Variants in NTN4 observed in about 807,000 individuals in gnomAD.
The protein encoded by NTN4 is netrin 4, also known as netrin-4.
In NTN4, 32 loss-of-function variants were observed where a neutral mutation model predicts 73.6. The ratio of observed to expected loss-of-function variants is 0.44; its 90% CI spans 0.33 to 0.58. The LOEUF (loss-of-function observed/expected upper bound fraction) is 0.58, where lower values mean the gene tolerates loss of function less well. Ranked by LOEUF, NTN4 falls within the 20% of genes least tolerant of loss-of-function variation. The pLI is 0.04. For synonymous variants in NTN4, 258 were observed against 287.5 expected, an observed-to-expected ratio of 0.90 and a Z score of 1.04; for missense variants, 654 against 798.3, an observed-to-expected ratio of 0.82 and a Z score of 2.18.
chr12:95,760,596 G>A (rs1255002217), intron 2 of NTN4, among the ~76,000 whole-genome samples: 1 of 151,842 alleles, frequency 6.6e-6, no homozygotes, highest in African/African-American at 2.4e-5. Flanking sequence ...TGGGGCAATT[G>A]TAGGGATTGT....
At chr12:95,695,230 C>T (rs1010956048) in intron 5 of NTN4, among the ~76,000 whole-genome samples, 1 of 152,046 alleles carries the variant, frequency 6.6e-6, no homozygotes, top group Non-Finnish European at 1.5e-5. Flanking sequence ...TTTTGTACAT[C>T]CTACCCAAAA....
At chr12:95,744,557 T>G (rs548543640) in intron 2 of NTN4, among the ~76,000 whole-genome samples, 2 of 152,304 alleles carry the variant, frequency 1.3e-5, no homozygotes, top group Non-Finnish European at 2.9e-5. Flanking sequence ...AAGAGTATAC[T>G]CTCATTTCCT....
At chr12:95,743,701 T>C (rs1315359769) in intron 2 of NTN4, among the ~76,000 whole-genome samples, 2 of 152,234 alleles carry the variant, frequency 1.3e-5, no homozygotes, top group African/African-American at 4.8e-5. Context: ...AAAGAACATA[T>C]TTTGTATGAT....
At chr12:95,723,199 A>C (rs1242967417) in intron 3 of NTN4, among the ~76,000 whole-genome samples, 1 of 152,002 alleles carries the variant, frequency 6.6e-6, no homozygotes, top group Non-Finnish European at 1.5e-5. Flanking sequence ...TTAGGTTCAA[A>C]TATAGCATCT....
At chr12:95,679,044 T>A (rs2078295970) in intron 7 of NTN4, among the ~76,000 whole-genome samples, 1 of 152,204 alleles carries the variant, frequency 6.6e-6, no homozygotes, top group African/African-American at 2.4e-5. Flanking sequence ...AGCACCTTAA[T>A]ATATAGAAAG....
chr12:95,682,743 C>G lies in NTN4; in HGVS notation c.1474G>C (p.Glu492Gln). 1 of 1,613,474 alleles carries G rather than the reference C, an allele frequency of 6.2e-7. No individual in the cohort carries two copies. Among genetic ancestry groups the G allele is most frequent in the Non-Finnish European group, 8.5e-7 (1 of 1,179,650 alleles). The change falls in exon 7 of 10, where the codon GAG (glutamate) becomes CAG (glutamine). Residue 492 changes from glutamate to glutamine, a missense_variant. Physicochemically the swap from Glu to Gln is conservative, Grantham distance 29 (BLOSUM62 2). Coordinates refer to ENST00000343702, the MANE Select transcript of NTN4 (RefSeq NM_021229.4). Reference protein sequence around the residue: ...HNKSEPAWEWEDAQGFSALLH... With the variant: ...HNKSEPAWEWQDAQGFSALLH... ...AGTGCAGAAAACCCCTGCGCATCCT[C>G]CCACTCCCAGGCTGGTTCGCTCTTA...
chr12:95,699,024 TAAA>T (rs34883760), intron 5 of NTN4, among the ~76,000 whole-genome samples: 10 of 140,374 alleles, frequency 7.1e-5, no homozygotes, highest in Admixed American at 1.4e-4. Flanking sequence ...CTTCTTGGAT[TAAA>T]AAAAAAAAAA....
Position 95,790,180 on chromosome 12 carries a change from T to G in NTN4, c.55+75A>C, listed in dbSNP as rs1040436476. The G allele has an allele frequency of 3.7e-6, 5 of 1,358,736 alleles. No individual in the cohort carries two copies. In the African/African-American group the frequency reaches 7.5e-5, roughly 20 times the overall value. The allele number at this position is 1,358,736 out of a possible 1,614,324, so 84.2% of individuals were successfully genotyped here. The stretch of plus-strand genomic sequence containing the variant: ...TCTGCGCTCGCAGCCCTGGCTCCCC[T>G]GCACCCCCGAGTCCCGAGATGGGTT... On this transcript the variant is annotated intron_variant, in intron 1 of 9. Coordinates refer to ENST00000343702, the MANE Select transcript of NTN4 (RefSeq NM_021229.4). This position sits in a 1 kb window ranked among gnomAD's most constrained non-coding sequence, Gnocchi z 6.5.
intron 2 of NTN4, among the ~76,000 whole-genome samples, chr12:95,747,248 C>T (rs2078869246): frequency 6.6e-6 from 1 of 152,144 alleles, no homozygotes; most frequent in Non-Finnish European, 1.5e-5. Context: ...TAATTTGTGT[C>T]TGAATATACC....
intron 2 of NTN4, among the ~76,000 whole-genome samples, chr12:95,740,713 A>G (rs2078817600): frequency 6.6e-6 from 1 of 152,214 alleles, no homozygotes; most frequent in Non-Finnish European, 1.5e-5. Context: ...CAACTTGATA[A>G]TATCTTTCTA....
At chr12:95,695,050 C>T (rs923480067) in intron 5 of NTN4, among the ~76,000 whole-genome samples, 1 of 151,870 alleles carries the variant, frequency 6.6e-6, no homozygotes, top group African/African-American at 2.4e-5. Context: ...ATGGTTTGAA[C>T]CTGGGAGGTG....
chr12:95,726,887 G>A (rs1223475793), intron 3 of NTN4, among the ~76,000 whole-genome samples: 5 of 152,000 alleles, frequency 3.3e-5, no homozygotes, highest in African/African-American at 4.8e-5. Flanking sequence ...GGAGAATGGC[G>A]TGAACCTGGG....
intron 2 of NTN4, among the ~76,000 whole-genome samples, chr12:95,763,203 T>C (rs965069325): frequency 2.0e-5 from 3 of 152,222 alleles, no homozygotes; most frequent in African/African-American, 7.2e-5. Context: ...TCTTGAAAAT[T>C]GATCTCTATC....
chr12:95,710,902 G>C (rs11108205), intron 4 of NTN4, among the ~76,000 whole-genome samples: 3,789 of 152,282 alleles, frequency 0.025, 149 homozygotes, highest in African/African-American at 0.087. Flanking sequence ...TACTTGGGAG[G>C]CTGAGGCAGG....
chr12:95,687,693 G>A (rs115282167), intron 5 of NTN4, among the ~76,000 whole-genome samples: 3,338 of 151,962 alleles, frequency 0.022, 130 homozygotes, highest in African/African-American at 0.077. Flanking sequence ...GAGCCACCAC[G>A]CCCAGCCACT....
chr12:95,742,857 T>A (rs949642291), intron 2 of NTN4, among the ~76,000 whole-genome samples: 2 of 152,208 alleles, frequency 1.3e-5, no homozygotes, highest in Non-Finnish European at 2.9e-5. Flanking sequence ...ATGAATCAAC[T>A]ATTTCTCCAA....
intron 2 of NTN4, among the ~76,000 whole-genome samples, chr12:95,776,563 G>A (rs1449568148): frequency 6.6e-6 from 1 of 152,200 alleles, no homozygotes; most frequent in African/African-American, 2.4e-5. Context: ...GGATATCAGT[G>A]ATTGAAGATC....
At chr12:95,746,981 G>A (rs1306451057) in intron 2 of NTN4, among the ~76,000 whole-genome samples, 2 of 152,172 alleles carry the variant, frequency 1.3e-5, no homozygotes, top group African/African-American at 2.4e-5. Flanking sequence ...TCCTGGATGA[G>A]AAGTGACATG....
intron 3 of NTN4, among the ~76,000 whole-genome samples, chr12:95,730,539 G>A (rs1314414012): frequency 6.6e-6 from 1 of 152,092 alleles, no homozygotes; most frequent in African/African-American, 2.4e-5. Context: ...GTAATCCTGG[G>A]CAATTTTTTC....
Sources: allele counts gnomAD v4.1 joint callset (sites outside exome capture counted in the v4.1 genomes callset), GRCh38; gene constraint gnomAD v4.1.1; non-coding constraint Gnocchi (gnomAD v3.1); transcripts MANE v1.5; gene names NCBI Gene and HGNC (gene_info 2026-07-23, HGNC 2026-07-21).